Variants in NIPAL3 observed in about 807,000 individuals in gnomAD.
The protein encoded by NIPAL3 is NIPA-like protein 3.
A neutral mutation model predicts 47.2 loss-of-function variants in NIPAL3; 41 were observed. That is an observed-to-expected ratio of 0.87 (90% confidence interval 0.68 to 1.13). NIPAL3 has a LOEUF of 1.13. NIPAL3 is among the 50% of genes most tolerant of loss of function. The pLI is 0.00. For synonymous variants in NIPAL3, 194 were observed against 209.6 expected (o/e 0.93, Z 0.64); for missense variants, 449 against 530.1 (o/e 0.85, Z 1.50).
At position 24,469,648 on chromosome 1, in the gene NIPAL3, C is replaced by T. The variant is rs1234226011; in HGVS notation, c.*463C>T. On this transcript the variant is annotated 3_prime_UTR_variant, in exon 12 of 12. Coordinates refer to ENST00000374399, the MANE Select transcript of NIPAL3 (RefSeq NM_020448.5). ...TCTCACCCTGACACTCCTGATGCCG[C>T]ATCTGTGATAGCACTCGTGTTGCCT... 6.3e-6 allele frequency: 1 copy of T among 157,956 alleles called. No homozygotes were observed. Among genetic ancestry groups the T allele is most frequent in the Non-Finnish European group, 1.4e-5 (1 of 71,328 alleles). The allele number at this position is 157,956 out of a possible 1,614,324, so 9.8% of individuals were successfully genotyped here.
In NIPAL3 at chr1:24,454,404, G is replaced by A. The variant is rs1296164823; in HGVS notation, c.637+900G>A. The A allele has an allele frequency of 1.5e-5, 16 of 1,033,332 alleles. No homozygotes were observed. The South Asian group carries it at 2.0e-4, about 13-fold the overall frequency. The allele number at this position is 1,033,332 out of a possible 1,614,324, so 64.0% of individuals were successfully genotyped here. On this transcript the variant is annotated intron_variant, in intron 7 of 11. Transcript: ENST00000374399. This position sits in a 1 kb window ranked among gnomAD's most constrained non-coding sequence, Gnocchi z 4.1. ...GGGCCTATGAGAACATCCAAGTCAC[G>A]GAAGGGAGTGGGGGTTAAATGAGAT...
intron 2 of NIPAL3, 109 bp from the exon 3 acceptor site, chr1:24,440,063 T>G (rs1557506445): frequency 1.6e-6 from 1 of 632,912 alleles, no homozygotes; most frequent in Non-Finnish European, 2.6e-6. Context: ...TCACTGATAT[T>G]GTTTTTCTGG....
intron 2 of NIPAL3, among the ~76,000 whole-genome samples, chr1:24,426,294 C>CT (rs67874650): frequency 1.3e-3 from 190 of 145,920 alleles, no homozygotes; most frequent in South Asian, 9.1e-3. Flanking sequence ...AAGAGTCTTC[C>CT]TTTTTTTTTT....
intron 8 of NIPAL3, among the ~76,000 whole-genome samples, chr1:24,458,615 C>T (rs1488413288): frequency 1.3e-5 from 2 of 151,980 alleles, no homozygotes; most frequent in South Asian, 2.1e-4. Context: ...TGACAGGAGC[C>T]GTGCAGCCAA....
At chr1:24,467,606 G>A (rs1366586207) in intron 11 of NIPAL3, among the ~76,000 whole-genome samples, 1 of 152,178 alleles carries the variant, frequency 6.6e-6, no homozygotes, top group Non-Finnish European at 1.5e-5. Context: ...CTTCATTTTC[G>A]TTATTAGTCA....
rs1002779824 is a variant in NIPAL3 at position 24,454,308 on chromosome 1, C to T, written c.637+804C>T. On this transcript the variant is annotated intron_variant, in intron 7 of 11. Transcript: ENST00000374399. This position sits in a 1 kb window ranked among gnomAD's most constrained non-coding sequence, Gnocchi z 4.1. ...TCAGGGCTGGTGAAGCCTGCTACCGCGCTGCTCTTGAGTGGCCTCAGGCTA... is the reference window on the plus strand; with the variant it reads ...TCAGGGCTGGTGAAGCCTGCTACCGTGCTGCTCTTGAGTGGCCTCAGGCTA... 30 of 1,146,836 alleles carry T rather than the reference C, an allele frequency of 2.6e-5. No homozygotes were observed. The East Asian group carries it at 8.5e-4, about 32-fold the overall frequency. 71.0% of individuals were successfully genotyped at this position (1,146,836 alleles called of 1,614,324 possible).
intron 2 of NIPAL3, among the ~76,000 whole-genome samples, chr1:24,424,325 A>C (rs1644474319): frequency 6.6e-6 from 1 of 152,190 alleles, no homozygotes; most frequent in Non-Finnish European, 1.5e-5. Flanking sequence ...TATCTGTAGA[A>C]TGTTGGTTTT....
chr1:24,457,016 G>A (rs1646246537), intron 8 of NIPAL3, among the ~76,000 whole-genome samples: 1 of 152,078 alleles, frequency 6.6e-6, no homozygotes, highest in Non-Finnish European at 1.5e-5. Context: ...ACCCACCTTG[G>A]CCTCCAAAGT....
intron 3 of NIPAL3, 75 bp from the exon 4 acceptor site, chr1:24,441,980 G>A (rs1570285703): frequency 6.7e-7 from 1 of 1,492,952 alleles, no homozygotes; most frequent in Middle Eastern, 1.8e-4. Context: ...GTTGGGGGTG[G>A]ATTTAGGGTA....
intron 2 of NIPAL3, among the ~76,000 whole-genome samples, chr1:24,429,119 T>C (rs1644764555): frequency 6.6e-6 from 1 of 152,166 alleles, no homozygotes. Context: ...TCAAAAATGG[T>C]TGAATATTGG....
At chr1:24,425,299 A>G (rs1268027940) in intron 2 of NIPAL3, among the ~76,000 whole-genome samples, 6 of 147,918 alleles carry the variant, frequency 4.1e-5, no homozygotes, top group Non-Finnish European at 9.0e-5. Context: ...TTCTTAAAAC[A>G]TTATGAGATT....
At chr1:24,447,980 C>A (rs1645751873) in intron 5 of NIPAL3, among the ~76,000 whole-genome samples, 1 of 152,232 alleles carries the variant, frequency 6.6e-6, no homozygotes, top group African/African-American at 2.4e-5. Flanking sequence ...GTGTTGGACG[C>A]TGCAGGTGTG....
intron 8 of NIPAL3, among the ~76,000 whole-genome samples, chr1:24,456,927 T>A (rs1302350080): frequency 6.6e-6 from 1 of 152,102 alleles, no homozygotes; most frequent in African/African-American, 2.4e-5. Flanking sequence ...CACACCCGGC[T>A]AATTTTTGTA....
chr1:24,472,647 C>T lies in NIPAL3; in HGVS notation c.*3462C>T, dbSNP rs1196026596. On this transcript the variant is annotated 3_prime_UTR_variant, in exon 12 of 12. Transcript: ENST00000374399. ...TGAACGCTGGGTAAAGAAGGGAGAG[C>T]TGACTCTCCATTGCTTTTCTAGTGG... 1 of 152,150 alleles carries T rather than the reference C, an allele frequency of 6.6e-6. No homozygotes were observed. The highest frequency in any genetic ancestry group is 2.4e-5 in the African/African-American group (1 of 41,434). 9.4% of individuals were successfully genotyped at this position (152,150 alleles called of 1,614,324 possible). A position where few individuals can be genotyped will look rare whatever the true frequency, so the allele number is the denominator to read the frequency against.
intron 9 of NIPAL3, 97 bp downstream of exon 9, chr1:24,459,073 C>T (rs1005660915): frequency 3.1e-5 from 32 of 1,042,572 alleles, no homozygotes; most frequent in Non-Finnish European, 4.0e-5. Flanking sequence ...TTGTTCTCCC[C>T]GTAGAGTGAT....
At chr1:24,468,257 G>A (rs1399239203) in intron 11 of NIPAL3, among the ~76,000 whole-genome samples, 1 of 152,156 alleles carries the variant, frequency 6.6e-6, no homozygotes, top group East Asian at 1.9e-4. Flanking sequence ...TGAGGCTGCA[G>A]TGAGCCAAGA....
At chr1:24,444,460 C>G (rs1442217608) in intron 4 of NIPAL3, among the ~76,000 whole-genome samples, 2 of 152,208 alleles carry the variant, frequency 1.3e-5, no homozygotes, top group Non-Finnish European at 2.9e-5. Context: ...TGGCTGATTT[C>G]AAGCTACGGA....
chr1:24,453,085 A>C (rs1646020904), intron 6 of NIPAL3, among the ~76,000 whole-genome samples: 1 of 152,134 alleles, frequency 6.6e-6, no homozygotes, highest in African/African-American at 2.4e-5. Context: ...CCCATGGAGC[A>C]GTGGAGTGGG....
chr1:24,449,509 C>A lies in NIPAL3; in HGVS notation c.423C>A (p.Cys141Ter). 1.2e-6 allele frequency: 2 copies of A among 1,613,826 alleles called. No homozygotes were observed. Residue 141 changes from cysteine (C) to a stop codon, truncating the protein, a stop_gained, in exon 6 of 12, where the codon TGC becomes TGA. Coordinates refer to ENST00000374399, the MANE Select transcript of NIPAL3 (RefSeq NM_020448.5). LOFTEE classifies it high-confidence loss of function. This position sits in a 1 kb window ranked among gnomAD's most constrained non-coding sequence, Gnocchi z 4.5. The stretch of plus-strand genomic sequence containing the variant: ...GCTACGTCTTGTCCTTTGTTGGCTG[C>A]GGTTTGGCTGTCGTGGGTACCTACC... ...LRRYVLSFVG[C>*]GLAVVGTYLL...
Sources: allele counts gnomAD v4.1 joint callset (sites outside exome capture counted in the v4.1 genomes callset), GRCh38; gene constraint gnomAD v4.1.1; non-coding constraint Gnocchi (gnomAD v3.1); transcripts MANE v1.5; gene names NCBI Gene and HGNC (gene_info 2026-07-23, HGNC 2026-07-21).